The following DNAH3 variants were observed in gnomAD, a reference collection of about 807,000 sequenced individuals.
The protein encoded by DNAH3 is axonemal beta dynein heavy chain 3.
A neutral mutation model predicts 432.5 loss-of-function variants in DNAH3; 332 were observed. The observed-to-expected ratio is 0.77, with a 90% CI of 0.70 to 0.84. The LOEUF is 0.84. DNAH3 is among the 40% of genes least tolerant of loss of function. The probability of loss-of-function intolerance (pLI) is 0.00; values close to 1 mark genes in which losing one functional copy is unlikely to be tolerated. For missense variants in DNAH3, 4,861 were observed against 5,114.0 expected (o/e 0.95, Z 1.51); for synonymous variants, 1,956 against 1,900.2 (o/e 1.03, Z -0.76).
At chr16:21,098,843 C>T (rs2091763704) in intron 16 of DNAH3, 74 bp from the exon 17 acceptor site, 4 of 1,484,970 alleles carry the variant, frequency 2.7e-6, no homozygotes, top group Non-Finnish European at 3.6e-6. Context: ...CACTGCTTGC[C>T]CATATTTAAG....
intron 26 of DNAH3, 73 bp downstream of exon 26, chr16:21,060,191 C>T (rs1258187551): frequency 3.2e-6 from 4 of 1,255,356 alleles, no homozygotes; most frequent in Admixed American, 1.7e-5. Context: ...AAACTACTGA[C>T]ACATGAACCT....
At chr16:21,104,363 C>T (rs776247954) in intron 16 of DNAH3, 108 bp downstream of exon 16, 13 of 905,534 alleles carry the variant, frequency 1.4e-5, no homozygotes, top group South Asian at 2.9e-5. Flanking sequence ...TTCGCCCACA[C>T]GTTGCCATGG....
chr16:21,136,063 A>C (rs1410051902), intron 6 of DNAH3, among the ~76,000 whole-genome samples: 1 of 151,946 alleles, frequency 6.6e-6, no homozygotes, highest in East Asian at 1.9e-4. Context: ...CGGTTAAATG[A>C]TGTTTTGGGT....
At chr16:20,943,270 G>A (rs535457520) in intron 58 of DNAH3, among the ~76,000 whole-genome samples, 26 of 151,510 alleles carry the variant, frequency 1.7e-4, no homozygotes, top group African/African-American at 6.1e-4. Context: ...TATAGACGGC[G>A]TTTTGCTATG....
At chr16:21,081,665 G>A (rs762466338) in exon 20 of DNAH3, 17 of 1,613,532 alleles carry the variant, frequency 1.1e-5, no homozygotes, top group South Asian at 2.2e-5. Flanking sequence ...ATCCAAATTC[G>A]AGCATATTTG....
At chr16:21,072,825 TTATTATTATTATTATTAC>T (rs1218031171) in intron 21 of DNAH3, among the ~76,000 whole-genome samples, 76 of 147,602 alleles carry the variant, frequency 5.1e-4, no homozygotes, top group African/African-American at 1.9e-3. Context: ...ATTATTATTA[TTATTATTATTATTATTAC>T]TATTATTATT....
chr16:21,110,003 C>T lies in DNAH3; in HGVS notation c.2099+1623G>A, dbSNP rs117079421. On this transcript the variant is annotated intron_variant, in intron 14 of 61. Transcript: ENST00000261383. ...AAGCAATCCTCCTGCCTCCACCTCC[C>T]AAAGTAAACCCAATCTCATGTTGGG... 5.0e-3 allele frequency among the ~76,000 whole-genome samples: 768 copies of T among 152,248 alleles called. 6 individuals are homozygous for T. Among genetic ancestry groups the T allele is most frequent in the Non-Finnish European group, 7.0e-3 (478 of 68,016 alleles).
intron 18 of DNAH3, among the ~76,000 whole-genome samples, chr16:21,095,244 T>G (rs753495728): frequency 4.6e-5 from 7 of 152,220 alleles, no homozygotes; most frequent in Non-Finnish European, 8.8e-5. Flanking sequence ...AAAACTTACA[T>G]TGACACAAAA....
At chr16:21,128,651 G>A (rs903979416) in intron 7 of DNAH3, among the ~76,000 whole-genome samples, 2 of 150,354 alleles carry the variant, frequency 1.3e-5, no homozygotes, top group Non-Finnish European at 2.9e-5. Flanking sequence ...AGGAGATCAC[G>A]CCACTGCACT....
At chr16:21,079,258 T>G (rs2091089934) in intron 20 of DNAH3, among the ~76,000 whole-genome samples, 1 of 152,198 alleles carries the variant, frequency 6.6e-6, no homozygotes, top group South Asian at 2.1e-4. Context: ...AATCTGAAGT[T>G]TATTTCCTCA....
At chr16:20,933,447 G>C in exon 62 of DNAH3, 1 of 1,613,800 alleles carries the variant, frequency 6.2e-7, no homozygotes, top group Non-Finnish European at 8.5e-7. Context: ...TCTAAGAAGA[G>C]CCCTTTGATG....
chr16:21,036,909 A>G, intron 34 of DNAH3, 61 bp from the exon 35 acceptor site: 2 of 1,390,566 alleles, frequency 1.4e-6, no homozygotes, highest in South Asian at 2.5e-5. Flanking sequence ...TGACCTCAAC[A>G]TTTTCCTAAA....
intron 1 of DNAH3, chr16:21,158,333 A>C (rs1253853658): frequency 6.6e-6 from 1 of 152,224 alleles, no homozygotes; most frequent in Non-Finnish European, 1.5e-5. Context: ...AGGAGGGGAA[A>C]CCCTGACACC....
At chr16:21,060,353 T>C in exon 26 of DNAH3, 1 of 1,613,392 alleles carries the variant, frequency 6.2e-7, no homozygotes, top group Non-Finnish European at 8.5e-7. Context: ...TTTTCCACCA[T>C]GCCCTATGGA....
intron 28 of DNAH3, 140 bp downstream of exon 28, chr16:21,054,280 C>T: frequency 1.5e-6 from 1 of 655,840 alleles, no homozygotes; most frequent in African/African-American, 1.8e-5. Context: ...CTTTGGCTCT[C>T]ATCTTACTCT....
At chr16:20,972,635 A>G (rs2085393990) in intron 51 of DNAH3, among the ~76,000 whole-genome samples, 1 of 151,962 alleles carries the variant, frequency 6.6e-6, no homozygotes, top group Non-Finnish European at 1.5e-5. Flanking sequence ...TGTGACTCTG[A>G]CAGGGATCAG....
intron 11 of DNAH3, among the ~76,000 whole-genome samples, chr16:21,119,922 T>G (rs763044335): frequency 6.6e-6 from 1 of 152,130 alleles, no homozygotes; most frequent in Non-Finnish European, 1.5e-5. Context: ...ACGCCTGACC[T>G]CAGGTGATCC....
chr16:21,085,025 C>T (rs917590228), intron 19 of DNAH3, among the ~76,000 whole-genome samples: 2 of 151,392 alleles, frequency 1.3e-5, no homozygotes, highest in African/African-American at 2.4e-5. Flanking sequence ...AGAGGCACCC[C>T]GTGAGCACCA....
At chr16:21,064,877 GTGTGTGTGT>G (rs1338089328) in intron 24 of DNAH3, among the ~76,000 whole-genome samples, 1 of 150,244 alleles carries the variant, frequency 6.7e-6, no homozygotes, top group Non-Finnish European at 1.5e-5. Context: ...GTGTGTGTGT[GTGTGTGTGT>G]GTGTGTGTGT....
Sources: allele counts gnomAD v4.1 joint callset (sites outside exome capture counted in the v4.1 genomes callset), GRCh38; gene constraint gnomAD v4.1.1; transcripts MANE v1.5; gene names NCBI Gene and HGNC (gene_info 2026-07-23, HGNC 2026-07-21).